Variants in AKAP6 observed in about 807,000 individuals in gnomAD.
AKAP6 encodes the protein A-kinase anchor protein 6.
A neutral mutation model predicts 188.5 loss-of-function variants in AKAP6; 58 were observed. The ratio of observed to expected loss-of-function variants is 0.31; its 90% confidence interval spans 0.25 to 0.38. AKAP6 has a LOEUF of 0.38. AKAP6 is among the 10% of genes least tolerant of loss of function. The pLI, the probability that AKAP6 is intolerant of heterozygous loss-of-function variation, is 1.00. For missense variants in AKAP6, 2,710 were observed against 2,740.0 expected (o/e 0.99, Z 0.24); for synonymous variants, 989 against 998.6 (o/e 0.99, Z 0.18).
At chr14:32,421,723 T>G (rs1889856672) in intron 1 of AKAP6, among the ~76,000 whole-genome samples, 1 of 152,280 alleles carries the variant, frequency 6.6e-6, no homozygotes, top group African/African-American at 2.4e-5. Flanking sequence ...GCTGATTGGA[T>G]GCTCTGAATG....
intron 2 of AKAP6, among the ~76,000 whole-genome samples, chr14:32,439,316 G>T (rs1188616513): frequency 6.6e-6 from 1 of 152,202 alleles, no homozygotes; most frequent in East Asian, 1.9e-4. Flanking sequence ...AGAAGATGTT[G>T]GAAGTCCAAG....
intron 4 of AKAP6, among the ~76,000 whole-genome samples, chr14:32,554,445 A>T (rs1883607807): frequency 6.6e-6 from 1 of 152,194 alleles, no homozygotes; most frequent in Non-Finnish European, 1.5e-5. Flanking sequence ...CATTTTACAG[A>T]TGAGGACTCC....
intron 12 of AKAP6, among the ~76,000 whole-genome samples, chr14:32,788,091 A>G (rs1245978046): frequency 6.6e-6 from 1 of 151,826 alleles, no homozygotes; most frequent in Non-Finnish European, 1.5e-5. Context: ...ATGATTTTTA[A>G]ATTACACATG....
At chr14:32,656,543 T>G (rs1888462848) in intron 7 of AKAP6, among the ~76,000 whole-genome samples, 1 of 152,174 alleles carries the variant, frequency 6.6e-6, no homozygotes, top group African/African-American at 2.4e-5. Flanking sequence ...CCTGGGAATC[T>G]GCATTTTAGT....
chr14:32,788,098 C>T (rs1035066174), intron 12 of AKAP6, among the ~76,000 whole-genome samples: 2 of 146,540 alleles, frequency 1.4e-5, no homozygotes, highest in African/African-American at 2.5e-5. Context: ...TTAAATTACA[C>T]ATGAAGGGCT....
intron 7 of AKAP6, among the ~76,000 whole-genome samples, chr14:32,674,690 G>A (rs751590919): frequency 1.3e-4 from 20 of 152,168 alleles, no homozygotes; most frequent in Non-Finnish European, 2.9e-4. Context: ...GTTTTAAATA[G>A]TAAGGTCTAA....
intron 7 of AKAP6, among the ~76,000 whole-genome samples, chr14:32,655,251 T>G (rs945329523): frequency 1.3e-5 from 2 of 152,198 alleles, no homozygotes; most frequent in African/African-American, 4.8e-5. Context: ...CATTCTTTTA[T>G]TTTCCTTATA....
intron 2 of AKAP6, among the ~76,000 whole-genome samples, chr14:32,503,785 A>C (rs1880723799): frequency 6.6e-6 from 1 of 151,986 alleles, no homozygotes; most frequent in Non-Finnish European, 1.5e-5. Flanking sequence ...GAGACTTTAC[A>C]ATATATTTTA....
At chr14:32,500,430 C>G (rs1323726682) in intron 2 of AKAP6, among the ~76,000 whole-genome samples, 1 of 152,124 alleles carries the variant, frequency 6.6e-6, no homozygotes, top group South Asian at 2.1e-4. Context: ...AATAGTGAAC[C>G]AATGATCACT....
intron 9 of AKAP6, chr14:32,726,289 C>T (rs1003824706): frequency 1.5e-5 from 13 of 865,974 alleles, no homozygotes; most frequent in African/African-American, 1.5e-4. Context: ...TTACAGTTTG[C>T]TCAACATGAA....
At chr14:32,795,209 A>G (rs1050233271) in intron 12 of AKAP6, among the ~76,000 whole-genome samples, 7 of 152,316 alleles carry the variant, frequency 4.6e-5, no homozygotes, top group African/African-American at 1.4e-4. Flanking sequence ...AGAGGTACAA[A>G]GAAGAGCTGG....
chr14:32,821,844 A>G lies in AKAP6; in HGVS notation c.4031A>G (p.Asn1344Ser), dbSNP rs771807141. 7 of 1,613,860 alleles carry G rather than the reference A, an allele frequency of 4.3e-6. No individual in the cohort carries two copies. Among genetic ancestry groups the G allele is most frequent in the Admixed American group, 3.3e-5 (2 of 59,916 alleles). Residue 1344 changes from asparagine to serine, a missense_variant, in exon 13 of 14, where the codon AAT becomes AGT. Transcript: ENST00000280979. ...KSLPDLLGGSNLVKPCACHGG... is the reference protein window; with the variant it reads ...KSLPDLLGGSSLVKPCACHGG... ...TTGCCAGATCTTCTAGGTGGTTCCA[A>G]TTTGGTAAAGCCCTGCGCATGTCAT... is the stretch of plus-strand genomic sequence containing the variant.
At chr14:32,427,971 A>C (rs1890089397) in intron 1 of AKAP6, among the ~76,000 whole-genome samples, 1 of 152,228 alleles carries the variant, frequency 6.6e-6, no homozygotes, top group Non-Finnish European at 1.5e-5. Context: ...AAAGACTGAG[A>C]ATAAGAATTT....
intron 7 of AKAP6, among the ~76,000 whole-genome samples, chr14:32,619,909 G>C (rs1394254991): frequency 2.0e-5 from 3 of 151,772 alleles, no homozygotes; most frequent in African/African-American, 4.8e-5. Flanking sequence ...GTATATTCCT[G>C]GATATTTTGT....
chr14:32,520,059 A>G (rs147390945), intron 2 of AKAP6, among the ~76,000 whole-genome samples: 1,928 of 152,348 alleles, frequency 0.013, 52 homozygotes, highest in African/African-American at 0.044. Context: ...AAACTGCTCA[A>G]CTACATGGAA....
chr14:32,434,711 A>G (rs1890326342), intron 2 of AKAP6, among the ~76,000 whole-genome samples: 2 of 152,248 alleles, frequency 1.3e-5, no homozygotes, highest in African/African-American at 4.8e-5. Context: ...TTGGATCTTA[A>G]CACTTAAATG....
In AKAP6 at chr14:32,546,260, A is replaced by G. The variant is rs994886710; in HGVS notation, c.1607A>G (p.Tyr536Cys). The change falls in exon 4 of 14, where the codon TAT becomes TGT. Residue 536 changes from tyrosine (Y) to cysteine (C), a missense_variant. Coordinates refer to ENST00000280979, the MANE Select transcript of AKAP6 (RefSeq NM_004274.5). ...SSAVPNGELS[Y>C]TSKAIEGPQT... is the part of the protein sequence containing the mutation. ...GCAGTGCCAAATGGAGAGCTTTCTT[A>G]TACTTCCAAGGCCATAGAGGGGCCA... 3.1e-6 allele frequency: 5 copies of G among 1,614,184 alleles called. No individual in the cohort carries two copies. Among genetic ancestry groups the G allele is most frequent in the South Asian group, 1.1e-5 (1 of 91,080 alleles).
At chr14:32,577,092 T>G (rs1485158457) in intron 4 of AKAP6, 28 bp from the exon 5 acceptor site, 1 of 1,590,326 alleles carries the variant, frequency 6.3e-7, no homozygotes, top group East Asian at 2.2e-5. Flanking sequence ...CTTGCCCCTT[T>G]TTTTCCCCTT....
Position 32,678,289 on chromosome 14 carries a change from TTC to T in AKAP6, c.2731-18_2731-17del. 1 of 1,597,924 alleles carries T rather than the reference TTC, an allele frequency of 6.3e-7. No individual in the cohort carries two copies. Among genetic ancestry groups the T allele is most frequent in the Non-Finnish European group, 8.6e-7 (1 of 1,168,108 alleles). Reference sequence around the variant, plus strand: ...ATTCCTTCTGGATTAAAACAGCAATTTCTCTTTGTTTCTCTTTCCAGGCTGAG... The same window carrying T: ...ATTCCTTCTGGATTAAAACAGCAATTTCTTTGTTTCTCTTTCCAGGCTGAG... On this transcript the variant is annotated intron_variant, in intron 7 of 13. Coordinates refer to ENST00000280979, the MANE Select transcript of AKAP6 (RefSeq NM_004274.5).
Sources: gnomAD v4.1 joint callset for allele counts (sites outside exome capture counted in the v4.1 genomes callset) on GRCh38, gnomAD v4.1.1 for gene constraint, MANE v1.5 for transcripts, NCBI Gene and HGNC (gene_info 2026-07-23, HGNC 2026-07-21) for gene names.